CAB39: variants seen among roughly 807,000 people sequenced by gnomAD.
The protein encoded by CAB39 is calcium-binding protein 39.
Under a neutral mutation model 40.0 loss-of-function variants are expected in CAB39, and 8 were observed. The ratio of observed to expected loss-of-function variants is 0.20; its 90% CI spans 0.12 to 0.36. The LOEUF is 0.36. Ranked by LOEUF, CAB39 falls within the 10% of genes least tolerant of loss-of-function variation. CAB39 has a pLI of 1.00. For synonymous variants in CAB39, 156 were observed against 141.6 expected, an observed-to-expected ratio of 1.10 and a Z score of -0.72; for missense variants, 270 against 401.1, an observed-to-expected ratio of 0.67 and a Z score of 2.79.
intron 3 of CAB39, among the ~76,000 whole-genome samples, chr2:230,791,338 A>T (rs745487165): frequency 2.0e-5 from 3 of 152,228 alleles, no homozygotes; most frequent in African/African-American, 7.2e-5. Flanking sequence ...AGAGCACTCT[A>T]GTACTCTAAT....
At chr2:230,804,817 A>G (rs1467736307) in intron 5 of CAB39, among the ~76,000 whole-genome samples, 1 of 152,232 alleles carries the variant, frequency 6.6e-6, no homozygotes, top group African/African-American at 2.4e-5. Flanking sequence ...AACTAGTTCA[A>G]CCATTGTGGA....
At chr2:230,764,847 CA>C (rs1292732922) in intron 2 of CAB39, among the ~76,000 whole-genome samples, 1 of 152,128 alleles carries the variant, frequency 6.6e-6, no homozygotes, top group Admixed American at 6.5e-5. Context: ...TTAAGATAAC[CA>C]TTCTATAAGG....
At chr2:230,802,989 C>A (rs1364030884) in intron 5 of CAB39, among the ~76,000 whole-genome samples, 3 of 152,150 alleles carry the variant, frequency 2.0e-5, no homozygotes, top group Non-Finnish European at 4.4e-5. Context: ...TGATGAACAT[C>A]AATGCGAAAA....
At chr2:230,796,486 C>T (rs1467486764) in intron 4 of CAB39, among the ~76,000 whole-genome samples, 2 of 152,112 alleles carry the variant, frequency 1.3e-5, no homozygotes, top group African/African-American at 4.8e-5. Flanking sequence ...TCCATCAAAA[C>T]CTGTTCAACT....
intron 1 of CAB39, among the ~76,000 whole-genome samples, chr2:230,728,028 C>G (rs1395941723): frequency 2.0e-5 from 3 of 151,964 alleles, no homozygotes; most frequent in Non-Finnish European, 4.4e-5. Flanking sequence ...CACCTGAGGT[C>G]AGGAGTTCAA....
At chr2:230,816,521 A>G (rs1696404277) in intron 7 of CAB39, among the ~76,000 whole-genome samples, 1 of 152,188 alleles carries the variant, frequency 6.6e-6, no homozygotes, top group African/African-American at 2.4e-5. Context: ...CTTGTACATC[A>G]GCTCATTTTT....
intron 1 of CAB39, among the ~76,000 whole-genome samples, chr2:230,745,355 C>A (rs913238424): frequency 6.6e-6 from 1 of 152,098 alleles, no homozygotes; most frequent in African/African-American, 2.4e-5. Flanking sequence ...TGTAAGTGTT[C>A]TGAGAAAAAT....
chr2:230,779,206 C>T (rs1466053600), intron 2 of CAB39: 1 of 152,206 alleles, frequency 6.6e-6, no homozygotes, highest in African/African-American at 2.4e-5. Context: ...CCCCATGGGA[C>T]ATAGGGACTT....
intron 1 of CAB39, among the ~76,000 whole-genome samples, chr2:230,739,577 C>T (rs1339438851): frequency 2.0e-5 from 3 of 152,388 alleles, no homozygotes; most frequent in East Asian, 3.9e-4. Flanking sequence ...TCACCACAAC[C>T]TCCGCCTCCC....
intron 2 of CAB39, among the ~76,000 whole-genome samples, chr2:230,781,704 G>C (rs1280829972): frequency 2.0e-5 from 3 of 152,262 alleles, no homozygotes; most frequent in South Asian, 4.1e-4. Flanking sequence ...GGACCAATGG[G>C]GTGGTAGGAG....
chr2:230,768,045 G>C (rs922394873), intron 2 of CAB39, among the ~76,000 whole-genome samples: 1 of 152,082 alleles, frequency 6.6e-6, no homozygotes, highest in African/African-American at 2.4e-5. Context: ...CCCCTTGTTA[G>C]ACCATCAGCC....
At chr2:230,795,729 T>G (rs1695975269) in intron 4 of CAB39, among the ~76,000 whole-genome samples, 1 of 152,228 alleles carries the variant, frequency 6.6e-6, no homozygotes, top group Non-Finnish European at 1.5e-5. Context: ...AATGGCAGTT[T>G]CCTGATTCTG....
At chr2:230,809,831 T>A (rs1224979931) in intron 5 of CAB39, among the ~76,000 whole-genome samples, 3 of 152,234 alleles carry the variant, frequency 2.0e-5, no homozygotes, top group African/African-American at 7.2e-5. Flanking sequence ...ATCCTTTTTC[T>A]AATAAAAGAA....
chr2:230,803,211 C>T (rs545540334), intron 5 of CAB39, among the ~76,000 whole-genome samples: 4 of 152,306 alleles, frequency 2.6e-5, no homozygotes, highest in South Asian at 2.1e-4. Context: ...AACAGCCTTT[C>T]GTGCTAAAAA....
chr2:230,734,721 C>T (rs1397686869), intron 1 of CAB39, among the ~76,000 whole-genome samples: 1 of 152,130 alleles, frequency 6.6e-6, no homozygotes, highest in Non-Finnish European at 1.5e-5. Context: ...GTAGGCCCTG[C>T]TTTAGGGCTT....
Position 230,793,330 on chromosome 2 carries a change from G to A in CAB39, c.397G>A (p.Gly133Arg). The A allele has an allele frequency of 6.7e-7, 1 of 1,482,650 alleles. No homozygotes were observed. The highest frequency in any genetic ancestry group is 9.4e-7 in the Non-Finnish European group (1 of 1,069,478). The allele number at this position is 1,482,650 out of a possible 1,614,324, so 91.8% of individuals were successfully genotyped here. Residue 133 changes from glycine (G) to arginine (R), a missense_variant and splice_region_variant, in exon 4 of 9, where the codon GGG becomes AGG. Coordinates refer to ENST00000258418, the MANE Select transcript of CAB39 (RefSeq NM_016289.4). ...QQNILFMLLK[G>R]YESPEIALNC... Reference sequence around the variant, plus strand: ...GAATATTTTGTTCATGTTATTGAAAGGGTATGTACAATGTAATAAAATTTG... The same window carrying A: ...GAATATTTTGTTCATGTTATTGAAAAGGTATGTACAATGTAATAAAATTTG...
chr2:230,763,823 C>G (rs1431406082), intron 2 of CAB39, among the ~76,000 whole-genome samples: 3 of 151,884 alleles, frequency 2.0e-5, no homozygotes, highest in African/African-American at 2.4e-5. Context: ...TTTGGTTGTT[C>G]AGAAAGTACA....
chr2:230,766,485 G>C (rs1480884375), intron 2 of CAB39, among the ~76,000 whole-genome samples: 2 of 152,102 alleles, frequency 1.3e-5, no homozygotes, highest in African/African-American at 4.8e-5. Context: ...ATTCATGAGG[G>C]ATCCACCTCC....
At chr2:230,732,301 C>G (rs931636286) in intron 1 of CAB39, among the ~76,000 whole-genome samples, 5 of 151,964 alleles carry the variant, frequency 3.3e-5, no homozygotes, top group African/African-American at 1.2e-4. Flanking sequence ...CCAGGATGGT[C>G]TCAATCTCCT....
Sources: allele counts gnomAD v4.1 joint callset (sites outside exome capture counted in the v4.1 genomes callset), GRCh38; gene constraint gnomAD v4.1.1; transcripts MANE v1.5; gene names NCBI Gene and HGNC (gene_info 2026-07-23, HGNC 2026-07-21).